The following SLF2 variants were observed in gnomAD, a reference collection of about 807,000 sequenced individuals.
SLF2 encodes SMC5/6 complex localization factor 2.
Under a neutral mutation model 124.3 loss-of-function variants are expected in SLF2, and 68 were observed. The ratio of observed to expected loss-of-function variants is 0.55; its 90% confidence interval spans 0.45 to 0.67. The LOEUF (loss-of-function observed/expected upper bound fraction) is 0.67. Ranked by LOEUF, SLF2 falls within the 30% of genes least tolerant of loss-of-function variation. SLF2 has a pLI of 0.00. For synonymous variants in SLF2, 480 were observed against 478.8 expected (o/e 1.00, Z -0.03); for missense variants, 1,246 against 1,373.7 (o/e 0.91, Z 1.47).
intron 8 of SLF2, 116 bp from the exon 9 acceptor site, chr10:100,930,860 G>A (rs1253706815): frequency 1.3e-6 from 1 of 762,014 alleles, no homozygotes; most frequent in East Asian, 2.5e-5. Context: ...CACCTCTATG[G>A]ACTGAAGACA....
At chr10:100,934,592 AT>A (rs1849808465) in intron 9 of SLF2, among the ~76,000 whole-genome samples, 1 of 151,644 alleles carries the variant, frequency 6.6e-6, no homozygotes, top group Admixed American at 6.6e-5. Flanking sequence ...TTACATTTTT[AT>A]TTTATTTTAT....
rs1214778362 is a variant in SLF2, at chr10:100,913,128, G to A, written c.18G>A (p.Met6Ile). 1.2e-6 allele frequency: 2 copies of A among 1,613,236 alleles called. No homozygotes were observed. Among genetic ancestry groups the A allele is most frequent in the Non-Finnish European group, 1.7e-6 (2 of 1,179,738 alleles). The change falls in exon 1 of 20, where the codon ATG (methionine) becomes ATA (isoleucine). Residue 6 changes from methionine (M) to isoleucine (I), a missense_variant. Transcript: ENST00000238961. MTRRCMPARPGFPSSP... is the reference protein window; with the variant it reads MTRRCIPARPGFPSSP... ...GCGCCGACATGACAAGGCGCTGCAT[G>A]CCCGCTAGGCCAGGTTTCCCCTCAT... is the stretch of plus-strand genomic sequence containing the variant.
intron 12 of SLF2, among the ~76,000 whole-genome samples, 193 bp downstream of exon 12, chr10:100,944,321 C>A (rs1400143235): frequency 6.6e-6 from 1 of 151,766 alleles, no homozygotes; most frequent in Non-Finnish European, 1.5e-5. Context: ...CGGTGAAAAC[C>A]CGTCTCTACT....
chr10:100,928,834 C>G (rs75347932), intron 6 of SLF2, among the ~76,000 whole-genome samples: 1 of 152,238 alleles, frequency 6.6e-6, no homozygotes, highest in Middle Eastern at 3.4e-3. Context: ...ATTAAGTGCT[C>G]GGTAAATGTT....
intron 9 of SLF2, among the ~76,000 whole-genome samples, chr10:100,933,959 G>A (rs1425909077): frequency 2.0e-5 from 3 of 152,304 alleles, no homozygotes; most frequent in South Asian, 2.1e-4. Context: ...GACTACAGGC[G>A]TGAGCCACTG....
In SLF2 at chr10:100,918,456, A is replaced by C. The variant is rs780005465; in HGVS notation, c.973+15A>C. The C allele has an allele frequency of 1.8e-5, 28 of 1,525,516 alleles. No individual in the cohort carries two copies. The Admixed American group carries it at 2.3e-4, about 12-fold the overall frequency. The allele number at this position is 1,525,516 out of a possible 1,614,324, so 94.5% of individuals were successfully genotyped here. ...ACCTACTTCAGGTAGAATCAAAATTAAATTTATGGATTTCTAAATAAATTT... is the reference window on the plus strand; with the variant it reads ...ACCTACTTCAGGTAGAATCAAAATTCAATTTATGGATTTCTAAATAAATTT... On this transcript the variant is annotated intron_variant, in intron 4 of 19. Coordinates refer to ENST00000238961, the MANE Select transcript of SLF2 (RefSeq NM_018121.4).
At chr10:100,928,039 C>CACACACACA (rs769598763) in intron 6 of SLF2, among the ~76,000 whole-genome samples, 2 of 44,982 alleles carry the variant, frequency 4.4e-5, no homozygotes, top group Non-Finnish European at 1.2e-4. Context: ...ACACCCCCCC[C>CACACACACA]CCCCCCCACA....
intron 3 of SLF2, among the ~76,000 whole-genome samples, chr10:100,918,072 C>T (rs1344088127): frequency 2.0e-5 from 3 of 152,070 alleles, no homozygotes; most frequent in Non-Finnish European, 4.4e-5. Flanking sequence ...GGTGACAGAG[C>T]GAGACCTTGT....
chr10:100,947,704 T>G, intron 14 of SLF2, 56 bp from the exon 15 acceptor site: 1 of 1,270,034 alleles, frequency 7.9e-7, no homozygotes, highest in African/African-American at 1.5e-5. Flanking sequence ...ATTCATTTGC[T>G]TTTCAAGCAG....
chr10:100,937,649 C>T (rs1481998270), intron 10 of SLF2, among the ~76,000 whole-genome samples, 172 bp downstream of exon 10: 2 of 151,834 alleles, frequency 1.3e-5, no homozygotes, highest in Non-Finnish European at 2.9e-5. Context: ...CTTGCTGTCG[C>T]CCGGGCTGAA....
chr10:100,913,129 C>G lies in SLF2; in HGVS notation c.19C>G (p.Pro7Ala), dbSNP rs199543953. The G allele has an allele frequency of 6.2e-7, 1 of 1,612,814 alleles. No homozygotes were observed. The highest frequency in any genetic ancestry group is 2.2e-5 in the East Asian group (1 of 44,716). The change falls in exon 1 of 20, where the codon CCC (proline) becomes GCC (alanine). Residue 7 changes from proline to alanine, a missense_variant. Pro to Ala is a conservative substitution (Grantham distance 27). This residue lies in a region of SLF2 where 698 missense variants were observed against 708.9 expected (regional missense o/e 0.98). Coordinates refer to ENST00000238961, the MANE Select transcript of SLF2 (RefSeq NM_018121.4). ...CGCCGACATGACAAGGCGCTGCATG[C>G]CCGCTAGGCCAGGTTTCCCCTCATC... MTRRCM[P>A]ARPGFPSSPA...
chr10:100,915,157 A>G (rs1036333261), intron 1 of SLF2, among the ~76,000 whole-genome samples: 1 of 152,226 alleles, frequency 6.6e-6, no homozygotes, highest in Non-Finnish European at 1.5e-5. Flanking sequence ...TCTTTACGGT[A>G]CAGAAATTCT....
At chr10:100,936,313 T>C (rs1054079531) in intron 9 of SLF2, among the ~76,000 whole-genome samples, 4 of 111,424 alleles carry the variant, frequency 3.6e-5, no homozygotes, top group Non-Finnish European at 7.9e-5. Context: ...ATCAGTGATA[T>C]CTTTTTTTGT....
At chr10:100,950,927 C>T (rs960936449) in intron 17 of SLF2, among the ~76,000 whole-genome samples, 174 bp downstream of exon 17, 7 of 151,990 alleles carry the variant, frequency 4.6e-5, no homozygotes, top group African/African-American at 1.7e-4. Flanking sequence ...TGATAATGGT[C>T]TTGTAACTAT....
At position 100,924,446 on chromosome 10, in the gene SLF2, C is replaced by T; in HGVS notation, c.1445C>T (p.Ala482Val). 6.2e-7 allele frequency: 1 copy of T among 1,614,178 alleles called. No individual in the cohort carries two copies. The highest frequency in any genetic ancestry group is 1.3e-5 in the African/African-American group (1 of 75,038). Residue 482 changes from alanine (A) to valine (V), a missense_variant, in exon 5 of 20, where the codon GCT becomes GTT. Ala to Val is a moderately conservative substitution (Grantham distance 64). Transcript: ENST00000238961. The stretch of plus-strand genomic sequence containing the variant: ...CCTTTACTTTCCCGTGTTCCAAGTG[C>T]TGGTTCCTCTCTAGTACCATTAAAT... ...KLPLLSRVPS[A>V]GSSLVPLNAK...
At chr10:100,932,712 T>TGC (rs1181664100) in intron 9 of SLF2, among the ~76,000 whole-genome samples, 36 of 129,094 alleles carry the variant, frequency 2.8e-4, no homozygotes, top group African/African-American at 1.0e-3. Flanking sequence ...TGTGTGTGTG[T>TGC]GTGTGTGTGC....
At chr10:100,919,666 C>T (rs182672553) in intron 4 of SLF2, among the ~76,000 whole-genome samples, 168 of 152,198 alleles carry the variant, frequency 1.1e-3, no homozygotes, top group African/African-American at 3.6e-3. Context: ...CTAGTGTATC[C>T]GATTTTTTTC....
rs981925694 is a variant in SLF2, at chr10:100,913,621, T to C, written c.140+371T>C. 15 of 1,096,476 alleles carry C rather than the reference T, an allele frequency of 1.4e-5. No homozygotes were observed. The African/African-American group carries it at 2.1e-4, about 16-fold the overall frequency. 67.9% of individuals were successfully genotyped at this position (1,096,476 alleles called of 1,614,324 possible). ...TCTACTGATCCTAGTGGTTTAGTAA[T>C]ATAAACCTTTTCTATGTTGTGGGTG... On this transcript the variant is annotated intron_variant, in intron 1 of 19. Coordinates refer to ENST00000238961, the MANE Select transcript of SLF2 (RefSeq NM_018121.4).
Position 100,950,146 on chromosome 10 carries a change from A to G in SLF2, c.3191A>G (p.Lys1064Arg). 1 of 1,613,992 alleles carries G rather than the reference A, an allele frequency of 6.2e-7. No homozygotes were observed. ...TTGTTAAAGAAAATGGTCTTGAAGA[A>G]AAAGGCTGAACAACCAGATGGCATT... ...SDLLKKMVLK[K>R]KAEQPDGIID... Residue 1064 changes from lysine (K) to arginine (R), a missense_variant, in exon 16 of 20, where the codon AAA becomes AGA. Transcript: ENST00000238961.
Sources: gnomAD v4.1 joint callset for allele counts (sites outside exome capture counted in the v4.1 genomes callset) on GRCh38, gnomAD v4.1.1 for gene constraint, gnomAD v4.1.1 regional missense constraint, MANE v1.5 for transcripts, NCBI Gene and HGNC (gene_info 2026-07-23, HGNC 2026-07-21) for gene names.